Variants in STK32A observed in about 807,000 individuals in gnomAD.
STK32A encodes the protein serine/threonine-protein kinase 32A.
STK32A carries 41 observed loss-of-function variants against 53.2 expected under a neutral mutation model. That is an observed-to-expected ratio of 0.77 (90% CI 0.60 to 1.00). The LOEUF (loss-of-function observed/expected upper bound fraction) is 1.00. STK32A is among the 50% of genes least tolerant of loss of function. STK32A has a pLI of 0.00. For synonymous variants in STK32A, 166 were observed against 162.8 expected, an observed-to-expected ratio of 1.02 and a Z score of -0.15; for missense variants, 458 against 485.8, an observed-to-expected ratio of 0.94 and a Z score of 0.54.
At chr5:147,370,542 G>A (rs907216650) in intron 8 of STK32A, 112 bp from the exon 9 acceptor site, 16 of 630,204 alleles carry the variant, frequency 2.5e-5, no homozygotes, top group Non-Finnish European at 3.8e-5. Context: ...GACAGGGTTA[G>A]AAATTGATAT....
At chr5:147,347,510 T>C (rs1755746317) in intron 6 of STK32A, among the ~76,000 whole-genome samples, 1 of 151,948 alleles carries the variant, frequency 6.6e-6, no homozygotes, top group African/African-American at 2.4e-5. Flanking sequence ...CCAGCCAGGG[T>C]TGGGAGGTGA....
At chr5:147,317,957 T>C (rs566248063) in intron 4 of STK32A, among the ~76,000 whole-genome samples, 1 of 152,312 alleles carries the variant, frequency 6.6e-6, no homozygotes, top group Admixed American at 6.5e-5. Flanking sequence ...GGAAATATTT[T>C]TCTTACATCT....
chr5:147,355,792 G>GTATA (rs140534042), intron 7 of STK32A, among the ~76,000 whole-genome samples: 18 of 147,846 alleles, frequency 1.2e-4, no homozygotes, highest in South Asian at 6.4e-4. Context: ...GTGTGTGTGT[G>GTATA]TATATATATA....
At chr5:147,301,730 A>G (rs1753147575) in intron 4 of STK32A, among the ~76,000 whole-genome samples, 1 of 152,200 alleles carries the variant, frequency 6.6e-6, no homozygotes, top group Non-Finnish European at 1.5e-5. Flanking sequence ...TTGAGACATC[A>G]TAGATTTAGT....
chr5:147,284,704 C>CA lies in STK32A; in HGVS notation c.260+5308dup, dbSNP rs746647540. ...AACAAAACAAGACAAAACAAAAAAA[C>CA]AACAAAAAAAAAACAAATACTTAGG... On this transcript the variant is annotated intron_variant, in intron 4 of 12. Coordinates refer to ENST00000397936, the MANE Select transcript of STK32A (RefSeq NM_001112724.2). Among the ~76,000 whole-genome samples, 711 of 78,048 alleles carry CA rather than the reference C, an allele frequency of 9.1e-3. 6 individuals carry two copies. Among genetic ancestry groups the CA allele is most frequent in the African/African-American group, 0.022 (610 of 27,802 alleles). 51.2% of individuals were successfully genotyped at this position (78,048 alleles called of 152,430 possible).
chr5:147,290,602 T>C (rs950154340), intron 4 of STK32A, among the ~76,000 whole-genome samples: 29 of 152,300 alleles, frequency 1.9e-4, no homozygotes, highest in African/African-American at 4.6e-4. Context: ...CCTCTATCTC[T>C]TTACTCATGT....
chr5:147,338,059 G>A (rs1755225300), intron 5 of STK32A, among the ~76,000 whole-genome samples: 1 of 152,156 alleles, frequency 6.6e-6, no homozygotes, highest in African/African-American at 2.4e-5. Flanking sequence ...TAAATAACAA[G>A]TAAGAGGGAA....
intron 9 of STK32A, among the ~76,000 whole-genome samples, chr5:147,371,397 T>C (rs1756998531): frequency 6.6e-6 from 1 of 152,178 alleles, no homozygotes; most frequent in South Asian, 2.1e-4. Flanking sequence ...GTCCCCCCTT[T>C]GACTACACAT....
chr5:147,265,962 C>T (rs1452162035), intron 2 of STK32A, among the ~76,000 whole-genome samples: 2 of 152,102 alleles, frequency 1.3e-5, no homozygotes, highest in East Asian at 1.9e-4. Context: ...TGGCAAATCA[C>T]GCAATATTCC....
chr5:147,321,565 C>T (rs955891626), intron 4 of STK32A, among the ~76,000 whole-genome samples: 49 of 152,182 alleles, frequency 3.2e-4, no homozygotes, highest in South Asian at 2.1e-4. Flanking sequence ...CCTGCACATT[C>T]GAACACTGTT....
chr5:147,336,392 G>A (rs1478723291), intron 5 of STK32A, among the ~76,000 whole-genome samples: 1 of 151,936 alleles, frequency 6.6e-6, no homozygotes, highest in Non-Finnish European at 1.5e-5. Context: ...CCTGGCCCAG[G>A]AGAGGTCCTT....
chr5:147,388,599 T>C (rs1394460918), downstream of STK32A, among the ~76,000 whole-genome samples: 1 of 152,210 alleles, frequency 6.6e-6, no homozygotes, highest in Non-Finnish European at 1.5e-5. Flanking sequence ...TCAGGTTACT[T>C]TGGCCTTTTT....
intron 4 of STK32A, among the ~76,000 whole-genome samples, chr5:147,322,937 C>T (rs1474959289): frequency 2.6e-5 from 4 of 152,162 alleles, no homozygotes; most frequent in East Asian, 1.9e-4. Context: ...CGGATTCTGC[C>T]GCCTTCTCCA....
chr5:147,398,305 A>G, the STK32A span, among the ~76,000 whole-genome samples: 2 of 152,204 alleles, frequency 1.3e-5, no homozygotes, highest in African/African-American at 4.8e-5. Context: ...AATCAGCAAG[A>G]GGCATTACTG....
chr5:147,315,917 A>G (rs78732208), intron 4 of STK32A, among the ~76,000 whole-genome samples: 191 of 152,270 alleles, frequency 1.3e-3, no homozygotes, highest in African/African-American at 4.3e-3. Flanking sequence ...AATCCCAAAA[A>G]TGGAATGTAA....
At chr5:147,352,637 T>G (rs1756035857) in intron 7 of STK32A, among the ~76,000 whole-genome samples, 1 of 152,176 alleles carries the variant, frequency 6.6e-6, no homozygotes, top group African/African-American at 2.4e-5. Context: ...CTCAAGAGAA[T>G]TATCTGTAAA....
intron 2 of STK32A, among the ~76,000 whole-genome samples, chr5:147,247,869 C>G (rs1016554972): frequency 6.6e-6 from 1 of 152,016 alleles, no homozygotes; most frequent in African/African-American, 2.4e-5. Flanking sequence ...TGCCTGTAAT[C>G]CCAGCACTTT....
Position 147,384,327 on chromosome 5 carries a change from T to C in STK32A, c.*344T>C, listed in dbSNP as rs1345582637. ...AACCGCCTTTATTTTTATTTTAAAA[T>C]TAATATATGAATATAGATTTATTTT... On this transcript the variant is annotated 3_prime_UTR_variant, in exon 13 of 13. Coordinates refer to ENST00000397936, the MANE Select transcript of STK32A (RefSeq NM_001112724.2). The C allele has an allele frequency of 2.1e-6, 3 of 1,438,356 alleles. No individual in the cohort carries two copies. In the Admixed American group the frequency reaches 7.1e-5, roughly 34 times the overall value. 89.1% of individuals were successfully genotyped at this position (1,438,356 alleles called of 1,614,324 possible).
rs562420912 is a variant in STK32A at position 147,306,344 on chromosome 5, C to A, written c.261-17554C>A. On this transcript the variant is annotated intron_variant, in intron 4 of 12. Coordinates refer to ENST00000397936, the MANE Select transcript of STK32A (RefSeq NM_001112724.2). Reference sequence around the variant, plus strand: ...GAAAGCTCTTTATATATTCTATATACAAGTCTTTTTAAAAGTTTTTTAAAA... The same window carrying A: ...GAAAGCTCTTTATATATTCTATATAAAAGTCTTTTTAAAAGTTTTTTAAAA... Among the ~76,000 whole-genome samples the A allele has an allele frequency of 2.6e-5, 4 of 152,022 alleles. No individual in the cohort carries two copies. In the South Asian group the frequency reaches 8.3e-4, roughly 32 times the overall value.
Sources: gnomAD v4.1 joint callset for allele counts (sites outside exome capture counted in the v4.1 genomes callset) on GRCh38, gnomAD v4.1.1 for gene constraint, MANE v1.5 for transcripts, NCBI Gene and HGNC (gene_info 2026-07-23, HGNC 2026-07-21) for gene names.